PGAP1: variants seen among roughly 807,000 people sequenced by gnomAD.
PGAP1 encodes post-GPI attachment to proteins inositol deacylase 1.
Under a neutral mutation model 127.0 loss-of-function variants are expected in PGAP1, and 76 were observed. That is an observed-to-expected ratio of 0.60 (90% CI 0.50 to 0.72). The LOEUF is 0.72. PGAP1 is among the 30% of genes least tolerant of loss of function. PGAP1 has a pLI of 0.00. For missense variants in PGAP1, 982 were observed against 1,071.3 expected (o/e 0.92, Z 1.16); for synonymous variants, 362 against 366.5 (o/e 0.99, Z 0.14).
intron 14 of PGAP1, among the ~76,000 whole-genome samples, chr2:196,874,500 T>G (rs1486545639): frequency 2.6e-5 from 4 of 152,114 alleles, no homozygotes; most frequent in Non-Finnish European, 5.9e-5. Flanking sequence ...ATTTATATAT[T>G]CTCAAAGTAT....
In PGAP1 at chr2:196,872,452, A is replaced by G. The variant is rs768522567; in HGVS notation, c.1717T>C (p.Cys573Arg). The G allele has an allele frequency of 5.0e-6, 8 of 1,602,568 alleles. No homozygotes were observed. The highest frequency in any genetic ancestry group is 6.8e-6 in the Non-Finnish European group (8 of 1,169,800). ...AACATACAACTTACCTCGTACCGAC[A>G]GTCTGATGACGTGTACATTTTAAAT... Reference protein sequence around the residue: ...ALFKMYTSSDCRYEVTVKTSF... With the variant: ...ALFKMYTSSDRRYEVTVKTSF... The change falls in exon 18 of 27, where the codon TGT becomes CGT. Residue 573 changes from cysteine to arginine, a missense_variant. Cys to Arg is a radical substitution (Grantham distance 180, BLOSUM62 -3). Coordinates refer to ENST00000354764, the MANE Select transcript of PGAP1 (RefSeq NM_024989.4).
At chr2:196,869,585 C>A (rs1224758111) in intron 19 of PGAP1, among the ~76,000 whole-genome samples, 1 of 152,230 alleles carries the variant, frequency 6.6e-6, no homozygotes, top group East Asian at 1.9e-4. Context: ...CCATCCACCT[C>A]AGCCTCCCAA....
At chr2:196,849,362 C>T (rs1451739879) in intron 20 of PGAP1, among the ~76,000 whole-genome samples, 1 of 150,704 alleles carries the variant, frequency 6.6e-6, no homozygotes, top group Non-Finnish European at 1.5e-5. Context: ...CTCCCGGGTT[C>T]ATGCCATTCT....
chr2:196,926,579 A>G lies in PGAP1; in HGVS notation c.38T>C (p.Phe13Ser). 1 of 1,547,722 alleles carries G rather than the reference A, an allele frequency of 6.5e-7. No homozygotes were observed. The highest frequency in any genetic ancestry group is 8.8e-7 in the Non-Finnish European group (1 of 1,139,732). ...TGCCAGAAAGACCATGAAGACATAA[A>G]ACGCCAGGTTCCAGAGATTAACTGA... ...LHSVNLWNLA[F>S]YVFMVFLATL... The change falls in exon 1 of 27, where the codon TTT becomes TCT. Residue 13 changes from phenylalanine to serine, a missense_variant. By Grantham distance (155) the Phe-to-Ser change is radical. Coordinates refer to ENST00000354764, the MANE Select transcript of PGAP1 (RefSeq NM_024989.4).
rs1703018184 is a variant in PGAP1 at position 196,916,608 on chromosome 2, A to G, written c.302-15T>C. 3 of 1,586,830 alleles carry G rather than the reference A, an allele frequency of 1.9e-6. No individual in the cohort carries two copies. Among genetic ancestry groups the G allele is most frequent in the Non-Finnish European group, 2.6e-6 (3 of 1,168,494 alleles). On this transcript the variant is annotated splice_polypyrimidine_tract_variant and intron_variant, in intron 2 of 26. Coordinates refer to ENST00000354764, the MANE Select transcript of PGAP1 (RefSeq NM_024989.4). ...AATAGAACGAACTGCAGAGGAAAAG[A>G]GTGAAGTGCACATTAAACAATATTT...
chr2:196,892,750 A>T (rs1416238321), intron 8 of PGAP1, among the ~76,000 whole-genome samples: 1 of 152,102 alleles, frequency 6.6e-6, no homozygotes, highest in Middle Eastern at 3.2e-3. Context: ...TTAAAAGCAA[A>T]ATTTATCAGC....
At chr2:196,845,770 G>A (rs978360077) in intron 23 of PGAP1, 112 bp downstream of exon 23, 5 of 749,374 alleles carry the variant, frequency 6.7e-6, no homozygotes, top group Non-Finnish European at 9.9e-6. Flanking sequence ...TTATGTAACA[G>A]AGGGTTACTA....
rs1183992073 is a variant in PGAP1 at position 196,834,091 on chromosome 2, T to C, written c.*7143A>G. ...GAATGAGCACAAGTCAAAGAATTCA[T>C]GTCTTTGACAGATTACTCATTAATA... On this transcript the variant is annotated 3_prime_UTR_variant, in exon 27 of 27. Transcript: ENST00000354764. 1 of 152,080 alleles carries C rather than the reference T, an allele frequency of 6.6e-6. No homozygotes were observed. The highest frequency in any genetic ancestry group is 1.9e-4 in the East Asian group (1 of 5,200). The allele number at this position is 152,080 out of a possible 1,614,324, so 9.4% of individuals were successfully genotyped here. A position where few individuals can be genotyped will look rare whatever the true frequency, so the allele number is the denominator to read the frequency against.
chr2:196,898,289 A>G, intron 6 of PGAP1, 28 bp downstream of exon 6: 1 of 1,536,260 alleles, frequency 6.5e-7, no homozygotes, highest in Non-Finnish European at 8.9e-7. Flanking sequence ...ACAACTCATC[A>G]AAACAAGTTA....
intron 20 of PGAP1, among the ~76,000 whole-genome samples, chr2:196,853,284 T>C (rs998247244): frequency 2.0e-5 from 3 of 152,390 alleles, no homozygotes; most frequent in Middle Eastern, 3.4e-3. Flanking sequence ...AACTGTACTG[T>C]TATGGCCTGA....
Position 196,839,659 on chromosome 2 carries a change from C to A in PGAP1, c.*1575G>T, listed in dbSNP as rs1457310070. ...GAGATGAGAGCAAGACTCCCTTCAACTGAGGCCAAAATAGCCAGGACCTGA... is the reference window on the plus strand; with the variant it reads ...GAGATGAGAGCAAGACTCCCTTCAAATGAGGCCAAAATAGCCAGGACCTGA... On this transcript the variant is annotated 3_prime_UTR_variant, in exon 27 of 27. Transcript: ENST00000354764. 6.6e-6 allele frequency: 1 copy of A among 152,224 alleles called. No homozygotes were observed. Among genetic ancestry groups the A allele is most frequent in the African/African-American group, 2.4e-5 (1 of 41,442 alleles). 9.4% of individuals were successfully genotyped at this position (152,224 alleles called of 1,614,324 possible).
intron 7 of PGAP1, among the ~76,000 whole-genome samples, chr2:196,896,802 C>T (rs1245049958): frequency 7.3e-6 from 1 of 137,444 alleles, no homozygotes; most frequent in African/African-American, 2.9e-5. Context: ...GCACTCCAGC[C>T]TGTGCAACAG....
rs1274965754 is a variant in PGAP1, at chr2:196,835,533, T to C, written c.*5701A>G. 2.6e-5 allele frequency: 4 copies of C among 152,260 alleles called. No individual in the cohort carries two copies. The South Asian group carries it at 6.2e-4, about 24-fold the overall frequency. The allele number at this position is 152,260 out of a possible 1,614,324, so 9.4% of individuals were successfully genotyped here. ...AGCAATCACACAAAATAGAACACAC[T>C]AGGCTACAAATCTTGAATATTTTCA... On this transcript the variant is annotated 3_prime_UTR_variant, in exon 27 of 27. Coordinates refer to ENST00000354764, the MANE Select transcript of PGAP1 (RefSeq NM_024989.4).
intron 9 of PGAP1, 45 bp downstream of exon 9, chr2:196,892,301 T>C (rs1413794108): frequency 1.1e-6 from 1 of 906,938 alleles, no homozygotes; most frequent in Non-Finnish European, 1.7e-6. Context: ...TACTAAATTA[T>C]TTCTGGAAAA....
chr2:196,898,283 C>T (rs1702351835), intron 6 of PGAP1, 34 bp downstream of exon 6: 1 of 1,455,398 alleles, frequency 6.9e-7, no homozygotes, highest in Admixed American at 1.9e-5. Context: ...ACCATGACAA[C>T]TCATCAAAAC....
chr2:196,916,441 T>C lies in PGAP1; in HGVS notation c.454A>G (p.Lys152Glu). 1 of 1,612,078 alleles carries C rather than the reference T, an allele frequency of 6.2e-7. No individual in the cohort carries two copies. Among genetic ancestry groups the C allele is most frequent in the East Asian group, 2.2e-5 (1 of 44,810 alleles). ...KQTKFVHECIKTILKLYKGQE... is the reference protein window; with the variant it reads ...KQTKFVHECIETILKLYKGQE... Reference sequence around the variant, plus strand: ...ACCTTATAGAGTTTGAGAATTGTTTTAATACATTCATGTACAAACTTGGTC... The same window carrying C: ...ACCTTATAGAGTTTGAGAATTGTTTCAATACATTCATGTACAAACTTGGTC... The change falls in exon 3 of 27, where the codon AAA becomes GAA. Residue 152 changes from lysine to glutamate, a missense_variant. Physicochemically the swap from Lys to Glu is moderately conservative, Grantham distance 56. Coordinates refer to ENST00000354764, the MANE Select transcript of PGAP1 (RefSeq NM_024989.4).
intron 10 of PGAP1, among the ~76,000 whole-genome samples, chr2:196,888,422 C>T (rs929428129): frequency 1.3e-5 from 2 of 152,124 alleles, no homozygotes; most frequent in African/African-American, 4.8e-5. Context: ...ATAGGCGATC[C>T]ACAGCTCTAC....
At chr2:196,865,378 AAC>A (rs1193869616) in intron 19 of PGAP1, among the ~76,000 whole-genome samples, 1 of 151,906 alleles carries the variant, frequency 6.6e-6, no homozygotes, top group Admixed American at 6.5e-5. Flanking sequence ...CACAACAGTA[AAC>A]ACCTTATATG....
Position 196,845,922 on chromosome 2 carries a change from G to C in PGAP1, c.2246C>G (p.Ala749Gly). The C allele has an allele frequency of 6.2e-7, 1 of 1,608,876 alleles. No individual in the cohort carries two copies. The highest frequency in any genetic ancestry group is 8.5e-7 in the Non-Finnish European group (1 of 1,176,914). ...LIIVSWTTCG[A>G]LAILLSYLYY... ...AAGATAAGAAAGAAGTATGGCTAGTGCTCCACAAGTTGTCCAACTAACTAT... is the reference window on the plus strand; with the variant it reads ...AAGATAAGAAAGAAGTATGGCTAGTCCTCCACAAGTTGTCCAACTAACTAT... The change falls in exon 23 of 27, where the codon GCA becomes GGA. Residue 749 changes from alanine (A) to glycine (G), a missense_variant. Ala to Gly is a moderately conservative substitution (Grantham distance 60). Coordinates refer to ENST00000354764, the MANE Select transcript of PGAP1 (RefSeq NM_024989.4).
Sources: allele counts gnomAD v4.1 joint callset (sites outside exome capture counted in the v4.1 genomes callset), GRCh38; gene constraint gnomAD v4.1.1; transcripts MANE v1.5; gene names NCBI Gene and HGNC (gene_info 2026-07-23, HGNC 2026-07-21).